The following ZNF385B variants were observed in gnomAD, a reference collection of about 807,000 sequenced individuals.
The protein encoded by ZNF385B is zinc finger protein 385B, also known as zinc finger protein 533.
ZNF385B carries 23 observed loss-of-function variants against 39.2 expected under a neutral mutation model. The observed-to-expected ratio is 0.59, with a 90% CI of 0.42 to 0.83. The LOEUF is 0.83. Ranked by LOEUF, ZNF385B falls within the 40% of genes least tolerant of loss-of-function variation. The pLI, the probability that ZNF385B is intolerant of heterozygous loss-of-function variation, is 0.00. For missense variants in ZNF385B, 552 were observed against 598.9 expected (o/e 0.92, Z 0.82); for synonymous variants, 205 against 222.6 (o/e 0.92, Z 0.70).
chr2:179,494,518 T>G (rs566711642), intron 5 of ZNF385B, among the ~76,000 whole-genome samples: 13 of 152,326 alleles, frequency 8.5e-5, no homozygotes, highest in Non-Finnish European at 1.9e-4. Context: ...TTTTCACATA[T>G]CTGCAATTTT....
chr2:179,700,959 G>A (rs1699149417), intron 3 of ZNF385B, among the ~76,000 whole-genome samples: 1 of 152,202 alleles, frequency 6.6e-6, no homozygotes, highest in Non-Finnish European at 1.5e-5. Flanking sequence ...CTTGCAGTGA[G>A]CCGAGATCGT....
intron 3 of ZNF385B, among the ~76,000 whole-genome samples, chr2:179,704,670 A>G (rs939462311): frequency 1.5e-4 from 23 of 152,188 alleles, no homozygotes; most frequent in African/African-American, 5.1e-4. Flanking sequence ...AGAGTTATTG[A>G]CCAATGAGCA....
intron 7 of ZNF385B, 74 bp downstream of exon 7, chr2:179,446,451 A>G (rs2105543423): frequency 6.5e-7 from 1 of 1,532,368 alleles, no homozygotes; most frequent in East Asian, 2.3e-5. Context: ...TGAACAACAA[A>G]AGATATGGTA....
chr2:179,491,559 T>C (rs1343779400), intron 5 of ZNF385B, among the ~76,000 whole-genome samples: 1 of 152,190 alleles, frequency 6.6e-6, no homozygotes, highest in Non-Finnish European at 1.5e-5. Flanking sequence ...ATCTTAAATA[T>C]GAAATAATGG....
chr2:179,458,668 C>T lies in ZNF385B; in HGVS notation c.716-11898G>A, dbSNP rs140763617. On this transcript the variant is annotated intron_variant, in intron 6 of 9. Transcript: ENST00000410066. Reference sequence around the variant, plus strand: ...AACCTCTTATCTGTTGGGGTGTCTCCCTCACTCTACCAAGAAAAGAAGGAA... The same window carrying T: ...AACCTCTTATCTGTTGGGGTGTCTCTCTCACTCTACCAAGAAAAGAAGGAA... 8.9e-3 allele frequency among the ~76,000 whole-genome samples: 1,353 copies of T among 152,016 alleles called. 13 individuals are homozygous for T. The highest frequency in any genetic ancestry group is 0.017 in the Admixed American group (258 of 15,250).
At chr2:179,792,803 A>G (rs1185732335) in intron 1 of ZNF385B, among the ~76,000 whole-genome samples, 1 of 152,210 alleles carries the variant, frequency 6.6e-6, no homozygotes, top group African/African-American at 2.4e-5. Flanking sequence ...TGAGGTAAAG[A>G]GAAAAAGAAG....
chr2:179,455,873 G>C (rs74927725), intron 6 of ZNF385B, among the ~76,000 whole-genome samples: 22,486 of 118,060 alleles, frequency 0.19, 1,911 homozygotes, highest in African/African-American at 0.27. Context: ...GAGCGAGACT[G>C]CATCTCAAAA....
intron 4 of ZNF385B, among the ~76,000 whole-genome samples, chr2:179,526,926 C>T (rs1299172914): frequency 6.6e-6 from 1 of 152,212 alleles, no homozygotes; most frequent in Non-Finnish European, 1.5e-5. Context: ...TAACTGGTCC[C>T]CTCTTTCACT....
At chr2:179,768,064 C>T (rs180828924) in intron 3 of ZNF385B, among the ~76,000 whole-genome samples, 143 of 151,692 alleles carry the variant, frequency 9.4e-4, no homozygotes, top group Non-Finnish European at 1.8e-3. Flanking sequence ...ATTTTCCTGC[C>T]TCAGACTCCT....
intron 3 of ZNF385B, among the ~76,000 whole-genome samples, chr2:179,710,430 T>C (rs1699918454): frequency 6.6e-6 from 1 of 152,128 alleles, no homozygotes; most frequent in East Asian, 1.9e-4. Flanking sequence ...GAACAGAATA[T>C]ACAGATCACA....
At chr2:179,562,055 T>C (rs1291426371) in intron 3 of ZNF385B, among the ~76,000 whole-genome samples, 13 of 152,148 alleles carry the variant, frequency 8.5e-5, no homozygotes. Flanking sequence ...AGTTCTAACA[T>C]AGTTGAATTG....
chr2:179,796,770 C>T (rs1359501690), intron 1 of ZNF385B, among the ~76,000 whole-genome samples: 1 of 152,130 alleles, frequency 6.6e-6, no homozygotes, highest in African/African-American at 2.4e-5. Context: ...TCAAAGCCTC[C>T]ACTCCTGTGG....
intron 1 of ZNF385B, among the ~76,000 whole-genome samples, chr2:179,855,185 A>G (rs184908020): frequency 6.6e-6 from 1 of 152,344 alleles, no homozygotes; most frequent in East Asian, 1.9e-4. Context: ...TAACATAATA[A>G]CATAATGGCT....
rs760763978 is a variant in ZNF385B at position 179,614,195 on chromosome 2, A to AT, written c.299-69227dup. Among the ~76,000 whole-genome samples, 24 of 152,088 alleles carry AT rather than the reference A, an allele frequency of 1.6e-4. 1 individual carries two copies. The East Asian group carries it at 1.7e-3, about 11-fold the overall frequency. ...ATCAGGAGCTGTGATCACTCCCCGG[A>AT]TTTTTTGCTTTTATGAAGGTGTTTT... On this transcript the variant is annotated intron_variant, in intron 3 of 9. Coordinates refer to ENST00000410066, the MANE Select transcript of ZNF385B (RefSeq NM_152520.6).
At chr2:179,813,806 G>A (rs184999392) in intron 1 of ZNF385B, among the ~76,000 whole-genome samples, 35 of 152,136 alleles carry the variant, frequency 2.3e-4, no homozygotes, top group Admixed American at 2.2e-3. Flanking sequence ...AAAACAATCT[G>A]GCAATAGCAA....
chr2:179,659,637 G>C (rs1575119428), intron 3 of ZNF385B, among the ~76,000 whole-genome samples: 1 of 151,910 alleles, frequency 6.6e-6, no homozygotes, highest in East Asian at 1.9e-4. Context: ...GACAATCTAG[G>C]GATTTCCATT....
At chr2:179,603,246 G>A (rs895965397) in intron 3 of ZNF385B, among the ~76,000 whole-genome samples, 2 of 152,124 alleles carry the variant, frequency 1.3e-5, no homozygotes, top group Non-Finnish European at 2.9e-5. Flanking sequence ...TATGAAGTAA[G>A]GATAACAGTA....
intron 3 of ZNF385B, among the ~76,000 whole-genome samples, chr2:179,608,496 C>T (rs773716285): frequency 6.6e-6 from 1 of 152,184 alleles, no homozygotes; most frequent in Non-Finnish European, 1.5e-5. Flanking sequence ...ATAGCCAGCA[C>T]AATATTTCAT....
intron 3 of ZNF385B, among the ~76,000 whole-genome samples, chr2:179,628,313 A>G (rs1690861491): frequency 6.6e-6 from 1 of 152,142 alleles, no homozygotes; most frequent in South Asian, 2.1e-4. Context: ...TTAAGTATTA[A>G]TTTATTTTAA....
Sources: allele counts gnomAD v4.1 joint callset (sites outside exome capture counted in the v4.1 genomes callset), GRCh38; gene constraint gnomAD v4.1.1; transcripts MANE v1.5; gene names NCBI Gene and HGNC (gene_info 2026-07-23, HGNC 2026-07-21).